The following PLA2R1 variants were observed in gnomAD, a reference collection of about 807,000 sequenced individuals.
PLA2R1 encodes secretory phospholipase A2 receptor.
PLA2R1 carries 158 observed loss-of-function variants against 195.9 expected under a neutral mutation model. That is an observed-to-expected ratio of 0.81 (90% CI 0.71 to 0.92). The LOEUF (loss-of-function observed/expected upper bound fraction) is 0.92, where lower values mean the gene tolerates loss of function less well. Ranked by LOEUF, PLA2R1 falls within the 40% of genes least tolerant of loss-of-function variation. PLA2R1 has a pLI of 0.00. For missense variants in PLA2R1, 1,626 were observed against 1,764.6 expected, an observed-to-expected ratio of 0.92 and a Z score of 1.41; for synonymous variants, 586 against 598.2, an observed-to-expected ratio of 0.98 and a Z score of 0.30.
In PLA2R1 at chr2:160,028,843, C is replaced by T. The variant is rs111424567; in HGVS notation, c.955+7G>A. 370 of 1,561,444 alleles carry T rather than the reference C, an allele frequency of 2.4e-4. 2 individuals are homozygous for T. The African/African-American group carries it at 3.3e-3, about 14-fold the overall frequency. On this transcript the variant is annotated splice_region_variant and intron_variant, in intron 5 of 29. Coordinates refer to ENST00000283243, the MANE Select transcript of PLA2R1 (RefSeq NM_007366.5). Reference sequence around the variant, plus strand: ...CGTGACGAAGGCAAAGAAAACACTGCGGGTACCTGGGCTCCAATTCAGATA... The same window carrying T: ...CGTGACGAAGGCAAAGAAAACACTGTGGGTACCTGGGCTCCAATTCAGATA...
At chr2:159,970,308 G>A in intron 17 of PLA2R1, 96 bp from the exon 18 acceptor site, 1 of 731,596 alleles carries the variant, frequency 1.4e-6, no homozygotes, top group Non-Finnish European at 2.2e-6. Flanking sequence ...CTATTCTTCA[G>A]TATTTTACCC....
intron 17 of PLA2R1, among the ~76,000 whole-genome samples, chr2:159,971,560 T>C (rs964693853): frequency 2.6e-5 from 4 of 151,934 alleles, no homozygotes; most frequent in Admixed American, 6.6e-5. Flanking sequence ...TCTTTAACTA[T>C]AAAAGAGGAA....
At chr2:160,012,043 G>C (rs1475377401) in intron 10 of PLA2R1, among the ~76,000 whole-genome samples, 1 of 152,148 alleles carries the variant, frequency 6.6e-6, no homozygotes, top group Non-Finnish European at 1.5e-5. Flanking sequence ...AAGAGGGTAA[G>C]AGGAGGAAGG....
chr2:160,011,891 G>A (rs909642390), intron 10 of PLA2R1, among the ~76,000 whole-genome samples: 1 of 152,152 alleles, frequency 6.6e-6, no homozygotes, highest in South Asian at 2.1e-4. Flanking sequence ...TCTCCTGAAA[G>A]TAAAATGTTT....
intron 23 of PLA2R1, among the ~76,000 whole-genome samples, chr2:159,954,229 C>T (rs994677415): frequency 3.3e-5 from 5 of 151,950 alleles, no homozygotes; most frequent in Non-Finnish European, 7.4e-5. Flanking sequence ...TGTGGCATAC[C>T]GCGCATACAC....
rs543317767 is a variant in PLA2R1 at position 160,044,982 on chromosome 2, G to A, written c.285C>T (p.Ser95=). The A allele has an allele frequency of 4.2e-5, 68 of 1,613,812 alleles. 1 individual carries two copies. In the Middle Eastern group the frequency reaches 6.6e-4, roughly 16 times the overall value. ...ATAAGCTTAATGGCTGCTCTGGGGC[G>A]GAGAAATTCAGGCCCAGGCAACCAC... The part of the protein sequence containing the change: ...GGSGCLGLNF[S]APEQPLSLYE... Residue 95 remains serine (S), a synonymous_variant, in exon 2 of 30, where the codon TCC becomes TCT. Coordinates refer to ENST00000283243, the MANE Select transcript of PLA2R1 (RefSeq NM_007366.5).
chr2:160,038,843 G>A (rs1019683766), intron 3 of PLA2R1, among the ~76,000 whole-genome samples: 43 of 152,178 alleles, frequency 2.8e-4, no homozygotes, highest in African/African-American at 9.9e-4. Context: ...CAATCTGCTT[G>A]TTTGTCTTTT....
At chr2:159,982,030 G>C (rs1215118840) in intron 13 of PLA2R1, among the ~76,000 whole-genome samples, 1 of 152,140 alleles carries the variant, frequency 6.6e-6, no homozygotes, top group Non-Finnish European at 1.5e-5. Context: ...ACTAAATTCT[G>C]CTAGACATTT....
chr2:160,046,739 G>A (rs983746645), intron 1 of PLA2R1, among the ~76,000 whole-genome samples: 2 of 152,066 alleles, frequency 1.3e-5, no homozygotes, highest in Non-Finnish European at 2.9e-5. Context: ...GTGGGGTGGG[G>A]AAAATGAATG....
In PLA2R1 at chr2:159,935,945, A is replaced by ATTTTTTTTTTTTTTTTTTTTT. The variant is rs56240008; in HGVS notation, c.*5812_*5832dup. The ATTTTTTTTTTTTTTTTTTTTT allele has an allele frequency of 4.8e-4, 51 of 107,212 alleles. 4 individuals are homozygous for ATTTTTTTTTTTTTTTTTTTTT. Among genetic ancestry groups the ATTTTTTTTTTTTTTTTTTTTT allele is most frequent in the East Asian group, 3.0e-3 (10 of 3,286 alleles). 6.6% of individuals were successfully genotyped at this position (107,212 alleles called of 1,614,324 possible). A position where few individuals can be genotyped will look rare whatever the true frequency, so the allele number is the denominator to read the frequency against. ...GCAGTAAAAATATGTATATAAATTA[A>ATTTTTTTTTTTTTTTTTTTTT]TTTTTTTTTTTTTTTTTTTTTTTTG... is the stretch of plus-strand genomic sequence containing the variant. On this transcript the variant is annotated 3_prime_UTR_variant, in exon 30 of 30. Coordinates refer to ENST00000283243, the MANE Select transcript of PLA2R1 (RefSeq NM_007366.5).
At position 159,939,576 on chromosome 2, in the gene PLA2R1, A is replaced by C; in HGVS notation, c.*2202T>G. On this transcript the variant is annotated 3_prime_UTR_variant, in exon 30 of 30. Coordinates refer to ENST00000283243, the MANE Select transcript of PLA2R1 (RefSeq NM_007366.5). The stretch of plus-strand genomic sequence containing the variant: ...ATATAAAAATGTAGCAGAATACTTC[A>C]GTACTATTTCTGCAAATTCAGTAAT... 1 of 152,150 alleles carries C rather than the reference A, an allele frequency of 6.6e-6. No homozygotes were observed. Among genetic ancestry groups the C allele is most frequent in the East Asian group, 1.9e-4 (1 of 5,202 alleles). The allele number at this position is 152,150 out of a possible 1,614,324, so 9.4% of individuals were successfully genotyped here. A position where few individuals can be genotyped will look rare whatever the true frequency, so the allele number is the denominator to read the frequency against.
chr2:160,000,688 G>A (rs1164733573), intron 11 of PLA2R1, among the ~76,000 whole-genome samples: 2 of 151,836 alleles, frequency 1.3e-5, no homozygotes, highest in African/African-American at 4.8e-5. Flanking sequence ...AATATGAGTA[G>A]GAAACAAGTG....
At position 159,954,869 on chromosome 2, in the gene PLA2R1, CCAA is replaced by C. The variant is rs1178833275; in HGVS notation, c.3301+327_3301+329del. Among the ~76,000 whole-genome samples the C allele has an allele frequency of 1.8e-4, 28 of 152,036 alleles. 1 individual carries two copies. Among genetic ancestry groups the C allele is most frequent in the Non-Finnish European group, 4.4e-5 (3 of 68,018 alleles). On this transcript the variant is annotated intron_variant, in intron 23 of 29. Coordinates refer to ENST00000283243, the MANE Select transcript of PLA2R1 (RefSeq NM_007366.5). ...GTTGGTTTATTTCCTTGATTCTTTC[CCAA>C]CATTTTCTCAGTGACCTTTAAAAAT...
rs762534673 is a variant in PLA2R1 at position 159,955,188 on chromosome 2, A to G, written c.3301+11T>C. ...GGAAATGAAAGGAATAAAAACCCAAATATTTCTTACCTTGCATTTTTTCAC... is the reference window on the plus strand; with the variant it reads ...GGAAATGAAAGGAATAAAAACCCAAGTATTTCTTACCTTGCATTTTTTCAC... On this transcript the variant is annotated intron_variant, in intron 23 of 29. Coordinates refer to ENST00000283243, the MANE Select transcript of PLA2R1 (RefSeq NM_007366.5). The G allele has an allele frequency of 4.4e-6, 7 of 1,595,080 alleles. No homozygotes were observed. Among genetic ancestry groups the G allele is most frequent in the Middle Eastern group, 1.7e-4 (1 of 6,004 alleles).
At position 159,937,255 on chromosome 2, in the gene PLA2R1, T is replaced by C. The variant is rs1686876170; in HGVS notation, c.*4523A>G. 1 of 152,244 alleles carries C rather than the reference T, an allele frequency of 6.6e-6. No homozygotes were observed. The allele number at this position is 152,244 out of a possible 1,614,324, so 9.4% of individuals were successfully genotyped here. A position where few individuals can be genotyped will look rare whatever the true frequency, so the allele number is the denominator to read the frequency against. ...TGTTACTCTTTCACTTACAGGCATC[T>C]TGCTTTACCTGATATACAAATGAAG... On this transcript the variant is annotated 3_prime_UTR_variant, in exon 30 of 30. Transcript: ENST00000283243.
At chr2:159,963,868 T>C (rs773826042) in intron 20 of PLA2R1, among the ~76,000 whole-genome samples, 1 of 152,118 alleles carries the variant, frequency 6.6e-6, no homozygotes, top group Non-Finnish European at 1.5e-5. Context: ...AGCAATTCTA[T>C]TCGTAGGTAT....
chr2:160,060,665 AAAG>A (rs1340189930), intron 1 of PLA2R1, among the ~76,000 whole-genome samples: 1 of 152,172 alleles, frequency 6.6e-6, no homozygotes, highest in Non-Finnish European at 1.5e-5. Context: ...TGACTACTAA[AAAG>A]AAGGCACTGA....
intron 11 of PLA2R1, among the ~76,000 whole-genome samples, chr2:159,992,096 C>T (rs1303595368): frequency 7.7e-5 from 11 of 143,734 alleles, no homozygotes; most frequent in African/African-American, 2.8e-4. Flanking sequence ...TAAAAGTGTT[C>T]CTATTTCTCC....
intron 1 of PLA2R1, among the ~76,000 whole-genome samples, chr2:160,055,748 TA>T (rs1290809936): frequency 6.6e-6 from 1 of 152,226 alleles, no homozygotes; most frequent in Non-Finnish European, 1.5e-5. Context: ...TAATGTTGCC[TA>T]CCTGTTTTGG....
Sources: allele counts gnomAD v4.1 joint callset (sites outside exome capture counted in the v4.1 genomes callset), GRCh38; gene constraint gnomAD v4.1.1; transcripts MANE v1.5; gene names NCBI Gene and HGNC (gene_info 2026-07-23, HGNC 2026-07-21).